CFAP61: variants seen among roughly 807,000 people sequenced by gnomAD.
CFAP61 encodes the protein cilia- and flagella-associated protein 61.
CFAP61 carries 107 observed loss-of-function variants against 135.6 expected under a neutral mutation model. The observed-to-expected ratio is 0.79, with a 90% CI of 0.67 to 0.93. The LOEUF (loss-of-function observed/expected upper bound fraction) is 0.93. Among genes scored for constraint, CFAP61 ranks in the 40% least tolerant of loss-of-function variants. The pLI is 0.00. For missense variants in CFAP61, 1,507 were observed against 1,556.2 expected (o/e 0.97, Z 0.53); for synonymous variants, 575 against 578.5 (o/e 0.99, Z 0.09).
At chr20:20,188,850 G>A (rs1316181064) in intron 14 of CFAP61, among the ~76,000 whole-genome samples, 2 of 152,166 alleles carry the variant, frequency 1.3e-5, no homozygotes, top group Non-Finnish European at 2.9e-5. Flanking sequence ...CAGCCTGCTG[G>A]AAGTCCCCTG....
chr20:20,329,509 C>T (rs2057899036), intron 25 of CFAP61, among the ~76,000 whole-genome samples: 1 of 152,182 alleles, frequency 6.6e-6, no homozygotes, highest in African/African-American at 2.4e-5. Context: ...TTAGCAGGGC[C>T]CCTTTGCTTC....
At chr20:20,179,937 G>A (rs1247095364) in intron 13 of CFAP61, among the ~76,000 whole-genome samples, 4 of 152,096 alleles carry the variant, frequency 2.6e-5, no homozygotes, top group Non-Finnish European at 5.9e-5. Context: ...GACAACCTAG[G>A]CAGTACCATT....
intron 22 of CFAP61, among the ~76,000 whole-genome samples, chr20:20,282,184 G>A (rs2054245102): frequency 1.3e-5 from 2 of 151,986 alleles, no homozygotes; most frequent in South Asian, 4.1e-4. Flanking sequence ...CTCTGTCTCT[G>A]ACTCTCTCTC....
At chr20:20,354,502 CAAAA>C (rs112245982) in intron 26 of CFAP61, among the ~76,000 whole-genome samples, 4 of 133,922 alleles carry the variant, frequency 3.0e-5, no homozygotes, top group Non-Finnish European at 6.3e-5. Context: ...GACCTTGTCT[CAAAA>C]AAAAAAAAAA....
intron 2 of CFAP61, among the ~76,000 whole-genome samples, chr20:20,065,069 T>A (rs1045109862): frequency 3.9e-5 from 6 of 152,298 alleles, no homozygotes; most frequent in Non-Finnish European, 5.9e-5. Flanking sequence ...GGAAAGGATG[T>A]GCCACTCAAT....
At chr20:20,135,445 TACTC>T (rs1161445630) in intron 8 of CFAP61, among the ~76,000 whole-genome samples, 4 of 152,228 alleles carry the variant, frequency 2.6e-5, no homozygotes. Context: ...AATAAGGACT[TACTC>T]ACTCTTCAGA....
chr20:20,298,962 C>G (rs1473652284), intron 25 of CFAP61, among the ~76,000 whole-genome samples: 3 of 152,170 alleles, frequency 2.0e-5, no homozygotes, highest in African/African-American at 7.2e-5. Context: ...CATAGAATTT[C>G]CAAGTGGAAA....
At chr20:20,174,957 C>G (rs961108307) in intron 13 of CFAP61, among the ~76,000 whole-genome samples, 3 of 152,224 alleles carry the variant, frequency 2.0e-5, no homozygotes, top group African/African-American at 7.2e-5. Flanking sequence ...CCATGGCATT[C>G]TCTTTAAGTG....
chr20:20,109,574 G>C (rs941272466), intron 8 of CFAP61, among the ~76,000 whole-genome samples: 15 of 152,144 alleles, frequency 9.9e-5, no homozygotes, highest in African/African-American at 3.1e-4. Context: ...ACTTCAGCAA[G>C]GCAGACTCCC....
intron 8 of CFAP61, chr20:20,107,793 T>C (rs572676870): frequency 5.3e-5 from 8 of 152,254 alleles, no homozygotes; most frequent in African/African-American, 1.9e-4. Context: ...CATACCTTGC[T>C]AATTTTTACA....
chr20:20,335,692 T>A (rs2058160791), intron 25 of CFAP61, among the ~76,000 whole-genome samples: 1 of 152,172 alleles, frequency 6.6e-6, no homozygotes, highest in African/African-American at 2.4e-5. Context: ...AGACTCCCCA[T>A]CTAGACCTTC....
chr20:20,288,552 T>C, intron 22 of CFAP61, 57 bp from the exon 23 acceptor site: 9 of 1,375,904 alleles, frequency 6.5e-6, no homozygotes, highest in Non-Finnish European at 9.2e-6. Context: ...GTCACACTTT[T>C]GGGAAGGTAA....
chr20:20,231,325 C>T (rs1287424093), intron 18 of CFAP61, among the ~76,000 whole-genome samples: 3 of 152,040 alleles, frequency 2.0e-5, no homozygotes, highest in Non-Finnish European at 4.4e-5. Flanking sequence ...CTTGTCCTTC[C>T]TAGGAGGAGC....
At chr20:20,290,206 G>A in intron 23 of CFAP61, 94 bp from the exon 24 acceptor site, 1 of 803,500 alleles carries the variant, frequency 1.2e-6, no homozygotes, top group Admixed American at 1.8e-5. Flanking sequence ...ATACGCCACT[G>A]CAGGCATCTG....
At chr20:20,320,259 G>A (rs549226848) in intron 25 of CFAP61, among the ~76,000 whole-genome samples, 3 of 141,834 alleles carry the variant, frequency 2.1e-5, no homozygotes, top group Admixed American at 7.7e-5. Flanking sequence ...AACCTGGAGA[G>A]TTAATGATGA....
chr20:20,310,423 A>C (rs2056751296), intron 25 of CFAP61, among the ~76,000 whole-genome samples: 1 of 152,216 alleles, frequency 6.6e-6, no homozygotes, highest in Admixed American at 6.5e-5. Flanking sequence ...CTGGCAAAGC[A>C]GACACACATG....
intron 12 of CFAP61, among the ~76,000 whole-genome samples, chr20:20,167,518 T>C (rs2053925454): frequency 1.3e-5 from 2 of 152,134 alleles, no homozygotes; most frequent in Admixed American, 1.3e-4. Flanking sequence ...AAAAGAGCTG[T>C]TTACATTTCA....
chr20:20,328,638 G>C (rs975189582), intron 25 of CFAP61, among the ~76,000 whole-genome samples: 3 of 152,162 alleles, frequency 2.0e-5, no homozygotes, highest in African/African-American at 7.2e-5. Flanking sequence ...CCATACTTCT[G>C]ATAGGGGGTT....
chr20:20,120,126 C>T, intron 8 of CFAP61, among the ~76,000 whole-genome samples: 1 of 152,130 alleles, frequency 6.6e-6, no homozygotes, highest in Non-Finnish European at 1.5e-5. Flanking sequence ...TGGTTAAATA[C>T]TCAGTAATGA....
Sources: allele counts gnomAD v4.1 joint callset (sites outside exome capture counted in the v4.1 genomes callset), GRCh38; gene constraint gnomAD v4.1.1; transcripts MANE v1.5; gene names NCBI Gene and HGNC (gene_info 2026-07-23, HGNC 2026-07-21).